Variants in LRP1B observed in about 807,000 individuals in gnomAD.
LRP1B encodes low-density lipoprotein receptor-related protein 1B.
A neutral mutation model predicts 556.6 loss-of-function variants in LRP1B; 217 were observed. The observed-to-expected ratio is 0.39, with a 90% confidence interval of 0.35 to 0.44. The LOEUF is 0.44. Ranked by LOEUF, LRP1B falls within the 20% of genes least tolerant of loss-of-function variation. The pLI, the probability that LRP1B is intolerant of heterozygous loss-of-function variation, is 1.00. For missense variants in LRP1B, 5,053 were observed against 5,620.8 expected, an observed-to-expected ratio of 0.90 and a Z score of 3.23; for synonymous variants, 2,047 against 1,865.8, an observed-to-expected ratio of 1.10 and a Z score of -2.50.
chr2:140,458,143 T>A (rs1290850916), intron 60 of LRP1B, among the ~76,000 whole-genome samples: 2 of 152,120 alleles, frequency 1.3e-5, no homozygotes, highest in Admixed American at 6.6e-5. Context: ...GTCTACTACC[T>A]GGAAATAAAG....
At chr2:140,985,854 T>C (rs944788368) in intron 17 of LRP1B, among the ~76,000 whole-genome samples, 1 of 151,294 alleles carries the variant, frequency 6.6e-6, no homozygotes, top group Non-Finnish European at 1.5e-5. Flanking sequence ...TTTTCTATAT[T>C]TGTTACAGAT....
chr2:141,208,913 A>G (rs1287917873), intron 6 of LRP1B, among the ~76,000 whole-genome samples: 1 of 131,778 alleles, frequency 7.6e-6, no homozygotes, highest in African/African-American at 2.7e-5. Flanking sequence ...AAAAAAAAAA[A>G]AAAAAGGGAT....
chr2:140,381,867 A>T (rs113982628), intron 67 of LRP1B, among the ~76,000 whole-genome samples: 3 of 123,866 alleles, frequency 2.4e-5, no homozygotes, highest in East Asian at 4.2e-4. Context: ...CTTTCAAAAA[A>T]AAAAAAAAAA....
chr2:142,049,941 GCA>G (rs1704393241), intron 1 of LRP1B, among the ~76,000 whole-genome samples: 1 of 152,018 alleles, frequency 6.6e-6, no homozygotes, highest in South Asian at 2.1e-4. Flanking sequence ...CACTTCTATC[GCA>G]TGGCCACCAA....
At chr2:142,040,366 A>G (rs1175286951) in intron 1 of LRP1B, among the ~76,000 whole-genome samples, 1 of 151,368 alleles carries the variant, frequency 6.6e-6, no homozygotes, top group East Asian at 1.9e-4. Context: ...ATATTTGCAC[A>G]TTCCGGGAGG....
intron 62 of LRP1B, among the ~76,000 whole-genome samples, chr2:140,452,243 T>A (rs1202957567): frequency 3.3e-5 from 5 of 152,134 alleles, no homozygotes; most frequent in African/African-American, 1.2e-4. Flanking sequence ...AAAAGCTCAG[T>A]TAGTTTATGT....
intron 3 of LRP1B, among the ~76,000 whole-genome samples, chr2:141,415,308 C>T (rs567665244): frequency 1.3e-5 from 2 of 152,154 alleles, no homozygotes; most frequent in Admixed American, 6.5e-5. Context: ...CCACCACGCC[C>T]GGCCTCTAAT....
chr2:141,643,564 C>A (rs2105367960), intron 2 of LRP1B, among the ~76,000 whole-genome samples: 1 of 152,234 alleles, frequency 6.6e-6, no homozygotes, highest in Admixed American at 6.6e-5. Flanking sequence ...CAGCTATCTG[C>A]ATACACATAA....
chr2:140,353,769 T>A (rs1682081950), intron 75 of LRP1B, among the ~76,000 whole-genome samples: 2 of 152,094 alleles, frequency 1.3e-5, no homozygotes, highest in Non-Finnish European at 2.9e-5. Context: ...ACATAAATTA[T>A]GATACATTCC....
intron 2 of LRP1B, among the ~76,000 whole-genome samples, chr2:141,581,301 G>T (rs371418260): frequency 2.0e-5 from 3 of 152,238 alleles, no homozygotes; most frequent in African/African-American, 7.2e-5. Context: ...GTTTAAAAAC[G>T]ATTTTGCCCT....
At chr2:141,127,908 C>G (rs1701255897) in intron 7 of LRP1B, among the ~76,000 whole-genome samples, 1 of 152,198 alleles carries the variant, frequency 6.6e-6, no homozygotes, top group African/African-American at 2.4e-5. Flanking sequence ...TGTCCCTTGA[C>G]TTACATGAGT....
At chr2:140,463,934 G>A (rs1280650724) in intron 60 of LRP1B, among the ~76,000 whole-genome samples, 8 of 152,084 alleles carry the variant, frequency 5.3e-5, no homozygotes, top group South Asian at 2.1e-4. Context: ...GGTGGCTCAC[G>A]CCTGTAATCC....
intron 2 of LRP1B, among the ~76,000 whole-genome samples, chr2:141,625,229 G>A (rs6758573): frequency 3.9e-5 from 6 of 151,958 alleles, no homozygotes; most frequent in Non-Finnish European, 7.4e-5. Flanking sequence ...TCTTCAATAA[G>A]ACACCAATAC....
chr2:142,059,146 G>A (rs1704797366), intron 1 of LRP1B, among the ~76,000 whole-genome samples: 1 of 152,068 alleles, frequency 6.6e-6, no homozygotes, highest in Non-Finnish European at 1.5e-5. Flanking sequence ...TAAGATTGGG[G>A]TGGGAATAGG....
intron 3 of LRP1B, among the ~76,000 whole-genome samples, chr2:141,408,130 A>AATT (rs1285404479): frequency 1.5e-5 from 2 of 136,388 alleles, no homozygotes; most frequent in Non-Finnish European, 3.0e-5. Flanking sequence ...AAATGCAAGG[A>AATT]ATTTGGTTCA....
chr2:141,863,240 T>G (rs1698308390), intron 1 of LRP1B, among the ~76,000 whole-genome samples: 2 of 152,214 alleles, frequency 1.3e-5, no homozygotes, highest in Admixed American at 1.3e-4. Flanking sequence ...ACTCATTTAT[T>G]GAGCTTCTAC....
chr2:141,165,208 GA>G (rs143067834), intron 7 of LRP1B, among the ~76,000 whole-genome samples: 3,901 of 152,032 alleles, frequency 0.026, 63 homozygotes, highest in Non-Finnish European at 0.037. Flanking sequence ...GGAGTTGAAA[GA>G]AACTTCAGAA....
chr2:140,708,622 C>G (rs1686925782), intron 37 of LRP1B, among the ~76,000 whole-genome samples: 1 of 151,730 alleles, frequency 6.6e-6, no homozygotes, highest in South Asian at 2.1e-4. Context: ...TGCCCATCCT[C>G]TCACTTAAAC....
At chr2:141,124,441 C>T (rs560060344) in intron 7 of LRP1B, among the ~76,000 whole-genome samples, 14 of 152,158 alleles carry the variant, frequency 9.2e-5, no homozygotes, top group African/African-American at 2.4e-4. Context: ...ATATTAATTT[C>T]GCTTGCAAAG....
Sources: gnomAD v4.1 joint callset for allele counts (sites outside exome capture counted in the v4.1 genomes callset) on GRCh38, gnomAD v4.1.1 for gene constraint, MANE v1.5 for transcripts, NCBI Gene and HGNC (gene_info 2026-07-23, HGNC 2026-07-21) for gene names.